The following CDH20 variants were observed in gnomAD, a reference collection of about 807,000 sequenced individuals.
CDH20 encodes the protein cadherin 20, also known as cadherin-20.
Under a neutral mutation model 74.2 loss-of-function variants are expected in CDH20, and 29 were observed. The ratio of observed to expected loss-of-function variants is 0.39; its 90% confidence interval spans 0.29 to 0.53. The LOEUF is 0.53. Ranked by LOEUF, CDH20 falls within the 20% of genes least tolerant of loss-of-function variation. The pLI is 0.69. For synonymous variants in CDH20, 469 were observed against 405.4 expected (o/e 1.16, Z -1.88); for missense variants, 988 against 1,048.3 (o/e 0.94, Z 0.79).
chr18:61,515,554 A>C (rs1316360375), intron 6 of CDH20, among the ~76,000 whole-genome samples: 3 of 151,920 alleles, frequency 2.0e-5, no homozygotes, highest in East Asian at 3.9e-4. Context: ...GATAGACTGG[A>C]TTAAGAAAAT....
chr18:61,347,300 A>G, intron 1 of CDH20, among the ~76,000 whole-genome samples: 1 of 77,426 alleles, frequency 1.3e-5, no homozygotes, highest in Admixed American at 1.4e-4. Flanking sequence ...ATATATATAT[A>G]TATATATATA....
intron 6 of CDH20, among the ~76,000 whole-genome samples, chr18:61,522,811 G>A (rs1440903862): frequency 6.6e-6 from 1 of 152,156 alleles, no homozygotes; most frequent in South Asian, 2.1e-4. Context: ...ACAATCAATG[G>A]GGAAAGGATT....
chr18:61,483,795 TAG>T (rs775366672), intron 1 of CDH20, among the ~76,000 whole-genome samples: 1 of 152,174 alleles, frequency 6.6e-6, no homozygotes, highest in African/African-American at 2.4e-5. Flanking sequence ...CCCTGTGAGA[TAG>T]AGTCTATAAT....
rs368797440 is a variant in CDH20 at position 61,530,722 on chromosome 18, A to C, written c.1271+2502A>C. ...AATGTTTGGATCCCCTGAATTTTTA[A>C]TACATGCTCAAGGACTTTTTGGCAG... is the stretch of plus-strand genomic sequence containing the variant. On this transcript the variant is annotated intron_variant, in intron 7 of 11. Coordinates refer to ENST00000262717, the MANE Select transcript of CDH20 (RefSeq NM_031891.4). 3.3e-5 allele frequency among the ~76,000 whole-genome samples: 5 copies of C among 152,204 alleles called. No individual in the cohort carries two copies. The East Asian group carries it at 7.7e-4, about 23-fold the overall frequency.
chr18:61,443,027 C>T (rs1049498537), intron 1 of CDH20, among the ~76,000 whole-genome samples: 1 of 152,078 alleles, frequency 6.6e-6, no homozygotes, highest in Non-Finnish European at 1.5e-5. Flanking sequence ...AGCTTCCACA[C>T]GATAAGTTGT....
chr18:61,381,774 A>G (rs1045928927), intron 1 of CDH20, among the ~76,000 whole-genome samples: 2 of 152,188 alleles, frequency 1.3e-5, no homozygotes, highest in Admixed American at 1.3e-4. Flanking sequence ...ACAGACCCTC[A>G]TTTTCAGATG....
intron 1 of CDH20, among the ~76,000 whole-genome samples, chr18:61,462,412 A>G (rs1707731638): frequency 1.3e-5 from 2 of 152,088 alleles, no homozygotes; most frequent in African/African-American, 4.8e-5. Context: ...ACCCATTCTA[A>G]CAGCCTCATC....
Position 61,472,292 on chromosome 18 carries a change from C to T in CDH20, c.-152-18110C>T, listed in dbSNP as rs149411832. Among the ~76,000 whole-genome samples, 75 of 151,882 alleles carry T rather than the reference C, an allele frequency of 4.9e-4. No individual in the cohort carries two copies. The East Asian group carries it at 0.012, about 23-fold the overall frequency. On this transcript the variant is annotated intron_variant, in intron 1 of 11. Transcript: ENST00000262717. ...TTGGGGGCTGGCTGGGTCTTACTTC[C>T]CCCCGAGAGACGTGCTCAAACCCCA...
chr18:61,512,253 C>A (rs1359220413), intron 6 of CDH20, among the ~76,000 whole-genome samples: 1 of 152,142 alleles, frequency 6.6e-6, no homozygotes, highest in Admixed American at 6.5e-5. Context: ...TGAAGTATAA[C>A]TTGAAATATA....
intron 1 of CDH20, among the ~76,000 whole-genome samples, chr18:61,474,711 G>C (rs1025210262): frequency 6.6e-6 from 1 of 152,144 alleles, no homozygotes; most frequent in South Asian, 2.1e-4. Flanking sequence ...AGAATACAGA[G>C]GTGACAGCCA....
chr18:61,484,101 C>A (rs1278068649), intron 1 of CDH20, among the ~76,000 whole-genome samples: 5 of 152,224 alleles, frequency 3.3e-5, no homozygotes, highest in Admixed American at 6.5e-5. Context: ...AGAGAAAACA[C>A]TGAGTAGCAA....
At chr18:61,527,833 G>T in intron 6 of CDH20, 134 bp from the exon 7 acceptor site, 2 of 801,220 alleles carry the variant, frequency 2.5e-6, no homozygotes, top group Non-Finnish European at 2.0e-6. Context: ...CTTCTTTCCC[G>T]TTTACCTTTT....
Position 61,502,969 on chromosome 18 carries a change from G to A in CDH20, c.678G>A (p.Ala226=), listed in dbSNP as rs148725675. 63 of 1,612,120 alleles carry A rather than the reference G, an allele frequency of 3.9e-5. No individual in the cohort carries two copies. The East Asian group carries it at 4.7e-4, about 12-fold the overall frequency. ...ATCCTCCAGGTGTAATTAGGACAGC[G>A]CTCATGAACATGGACAGAGAAGCCA... The part of the protein sequence containing the change: ...VDSKTGVIRT[A]LMNMDREAKE... The change falls in exon 5 of 12, where the codon GCG becomes GCA. Residue 226 remains alanine (A), a synonymous_variant. Coordinates refer to ENST00000262717, the MANE Select transcript of CDH20 (RefSeq NM_031891.4).
At chr18:61,398,080 C>T (rs947295628) in intron 1 of CDH20, among the ~76,000 whole-genome samples, 1 of 152,166 alleles carries the variant, frequency 6.6e-6, no homozygotes, top group Non-Finnish European at 1.5e-5. Flanking sequence ...CTAACAAGGG[C>T]AGCATAACTT....
intron 1 of CDH20, among the ~76,000 whole-genome samples, chr18:61,453,144 G>A (rs1599095475): frequency 1.3e-5 from 2 of 152,130 alleles, no homozygotes; most frequent in East Asian, 1.9e-4. Flanking sequence ...CCCTTTTATA[G>A]CCACATCCAC....
chr18:61,436,860 G>A (rs555410957), intron 1 of CDH20, among the ~76,000 whole-genome samples: 18 of 152,230 alleles, frequency 1.2e-4, no homozygotes, highest in African/African-American at 3.9e-4. Flanking sequence ...TATATAATTA[G>A]TAGTTAAAAG....
At chr18:61,340,139 T>C (rs1240248961) in intron 1 of CDH20, among the ~76,000 whole-genome samples, 2 of 151,908 alleles carry the variant, frequency 1.3e-5, no homozygotes, top group Non-Finnish European at 2.9e-5. Context: ...GGTTTATAAC[T>C]AAAATAAGCA....
chr18:61,441,296 G>A (rs1909024507), intron 1 of CDH20, among the ~76,000 whole-genome samples: 2 of 152,072 alleles, frequency 1.3e-5, no homozygotes, highest in Non-Finnish European at 2.9e-5. Flanking sequence ...CTACTCAGTG[G>A]TGGTATTCTA....
At chr18:61,411,159 C>T (rs551465458) in intron 1 of CDH20, among the ~76,000 whole-genome samples, 1 of 150,092 alleles carries the variant, frequency 6.7e-6, no homozygotes, top group East Asian at 2.0e-4. Flanking sequence ...AGATACGCCA[C>T]TGCACTCCCG....
Sources: allele counts gnomAD v4.1 joint callset (sites outside exome capture counted in the v4.1 genomes callset), GRCh38; gene constraint gnomAD v4.1.1; transcripts MANE v1.5; gene names NCBI Gene and HGNC (gene_info 2026-07-23, HGNC 2026-07-21).